WDFY4: variants seen among roughly 807,000 people sequenced by gnomAD.
The protein encoded by WDFY4 is WDFY family member 4.
Under a neutral mutation model 351.9 loss-of-function variants are expected in WDFY4, and 169 were observed. The observed-to-expected ratio is 0.48, with a 90% CI of 0.42 to 0.55. The LOEUF (loss-of-function observed/expected upper bound fraction) is 0.55. Among genes scored for constraint, WDFY4 ranks in the 20% least tolerant of loss-of-function variants. The pLI, the probability that WDFY4 is intolerant of heterozygous loss-of-function variation, is 0.00. For missense variants in WDFY4, 3,803 were observed against 3,935.6 expected (o/e 0.97, Z 0.90); for synonymous variants, 1,622 against 1,574.6 (o/e 1.03, Z -0.71).
chr10:48,867,901 G>C (rs1183106804), intron 40 of WDFY4, among the ~76,000 whole-genome samples: 2 of 152,194 alleles, frequency 1.3e-5, no homozygotes, highest in Non-Finnish European at 2.9e-5. Context: ...CCCAAAGACA[G>C]TGTGAAGTAT....
At position 48,791,330 on chromosome 10, in the gene WDFY4, A is replaced by T. The variant is rs115583449; in HGVS notation, c.4257+413A>T. On this transcript the variant is annotated intron_variant, in intron 23 of 61. Transcript: ENST00000325239. The stretch of plus-strand genomic sequence containing the variant: ...CTCTGCCTGTTTCCCCACCTGTAAG[A>T]TATGGACTGTAATAGGGTTGCAGTG... Among the ~76,000 whole-genome samples the T allele has an allele frequency of 4.2e-3, 646 of 152,332 alleles. 2 individuals carry two copies. The highest frequency in any genetic ancestry group is 0.015 in the African/African-American group (610 of 41,576).
At chr10:48,947,018 A>ACC in intron 51 of WDFY4, 49 bp downstream of exon 51, 1 of 1,362,280 alleles carries the variant, frequency 7.3e-7, no homozygotes, top group Non-Finnish European at 1.0e-6. Flanking sequence ...ACACACACAC[A>ACC]CATACGCCTG....
chr10:48,725,774 C>T, intron 5 of WDFY4, 107 bp from the exon 6 acceptor site: 1 of 1,188,554 alleles, frequency 8.4e-7, no homozygotes, highest in Non-Finnish European at 1.2e-6. Flanking sequence ...CTGTCCTTCT[C>T]ACAGAGACAT....
At chr10:48,944,113 C>T (rs536141261) in intron 49 of WDFY4, among the ~76,000 whole-genome samples, 99 of 152,276 alleles carry the variant, frequency 6.5e-4, no homozygotes, top group African/African-American at 2.3e-3. Flanking sequence ...GTGAAGTGGG[C>T]CATGGAATTT....
At chr10:48,908,944 G>A (rs2133452195) in intron 47 of WDFY4, among the ~76,000 whole-genome samples, 1 of 152,154 alleles carries the variant, frequency 6.6e-6, no homozygotes, top group South Asian at 2.1e-4. Context: ...CTTAAATCCT[G>A]GGAATCATGA....
intron 58 of WDFY4, 45 bp downstream of exon 58, chr10:48,975,086 A>T (rs746139469): frequency 1.3e-6 from 2 of 1,551,150 alleles, no homozygotes; most frequent in South Asian, 2.4e-5. Flanking sequence ...CCTTCGCAGT[A>T]GCATGGGGTA....
intron 13 of WDFY4, among the ~76,000 whole-genome samples, chr10:48,771,808 AGTT>A (rs1350650429): frequency 2.0e-5 from 3 of 152,180 alleles, no homozygotes; most frequent in Admixed American, 6.5e-5. Flanking sequence ...TTTACCCAGA[AGTT>A]GATGTTGAGA....
At position 48,830,869 on chromosome 10, in the gene WDFY4, C is replaced by T. The variant is rs1483526830; in HGVS notation, c.6510C>T (p.Ala2170=). The change falls in exon 38 of 62, where the codon GCC becomes GCT. Residue 2170 remains alanine, a synonymous_variant. Coordinates refer to ENST00000325239, the MANE Select transcript of WDFY4 (RefSeq NM_001394531.1). The part of the protein sequence containing the change: ...TPLWEETMLK[A]WQHYLASEKK... ...TCTGGGAGGAGACGATGCTCAAGGC[C>T]TGGCAGCATTACTTAGGTCTCTATC... 6.4e-7 allele frequency: 1 copy of T among 1,551,548 alleles called. No homozygotes were observed. The highest frequency in any genetic ancestry group is 8.7e-7 in the Non-Finnish European group (1 of 1,146,900).
In WDFY4 at chr10:48,957,269, C is replaced by T. The variant is rs369523333; in HGVS notation, c.8118C>T (p.Asn2706=). 20 of 1,551,192 alleles carry T rather than the reference C, an allele frequency of 1.3e-5. No individual in the cohort carries two copies. The highest frequency in any genetic ancestry group is 3.6e-5 in the South Asian group (3 of 84,056). Residue 2706 remains asparagine (N), a synonymous_variant, in exon 52 of 62, where the codon AAC becomes AAT. Coordinates refer to ENST00000325239, the MANE Select transcript of WDFY4 (RefSeq NM_001394531.1). ...TGCCTGAGTTCTTAACCAACTGCAA[C>T]GGGGTAGAGTTCGGTAAGTGGAGGC... The part of the protein sequence containing the change: ...FYLPEFLTNC[N]GVEFGCMQDG...
chr10:48,909,184 G>A (rs1472493993), intron 47 of WDFY4, among the ~76,000 whole-genome samples: 1 of 152,088 alleles, frequency 6.6e-6, no homozygotes, highest in Non-Finnish European at 1.5e-5. Context: ...GCAAAATTTG[G>A]TTGTTTCCAT....
chr10:48,819,432 C>G (rs1589684742), intron 32 of WDFY4, among the ~76,000 whole-genome samples: 1 of 152,122 alleles, frequency 6.6e-6, no homozygotes, highest in Non-Finnish European at 1.5e-5. Flanking sequence ...CCATTAAATT[C>G]ATTTTATGGC....
chr10:48,825,877 T>C (rs2067978217), intron 35 of WDFY4, among the ~76,000 whole-genome samples: 1 of 152,228 alleles, frequency 6.6e-6, no homozygotes, highest in Non-Finnish European at 1.5e-5. Flanking sequence ...GATGGATAGA[T>C]TCCAAAAATT....
At chr10:48,840,058 C>A (rs1022688521) in intron 39 of WDFY4, among the ~76,000 whole-genome samples, 3 of 152,136 alleles carry the variant, frequency 2.0e-5, no homozygotes, top group African/African-American at 7.2e-5. Flanking sequence ...GACGGGATAT[C>A]CATTATGCTC....
At chr10:48,738,836 T>C (rs943417129) in intron 11 of WDFY4, among the ~76,000 whole-genome samples, 1 of 152,180 alleles carries the variant, frequency 6.6e-6, no homozygotes, top group African/African-American at 2.4e-5. Context: ...TATAAAGGTT[T>C]CCCATCTCCG....
At chr10:48,739,051 T>G (rs1198548966) in intron 11 of WDFY4, among the ~76,000 whole-genome samples, 1 of 152,236 alleles carries the variant, frequency 6.6e-6, no homozygotes, top group Non-Finnish European at 1.5e-5. Context: ...TTCCTCTCCT[T>G]GGCCGGTGGG....
At chr10:48,904,872 T>C (rs1404130474) in intron 47 of WDFY4, among the ~76,000 whole-genome samples, 2 of 152,144 alleles carry the variant, frequency 1.3e-5, no homozygotes, top group Non-Finnish European at 2.9e-5. Context: ...GGGAGTATGG[T>C]TCCCTGAGAA....
intron 2 of WDFY4, among the ~76,000 whole-genome samples, chr10:48,713,663 C>T (rs145807584): frequency 2.0e-4 from 30 of 152,326 alleles, no homozygotes; most frequent in Admixed American, 1.4e-3. Context: ...ATGGGATTCT[C>T]ATCCAGAACA....
At chr10:48,920,433 G>A (rs1838963826) in intron 47 of WDFY4, among the ~76,000 whole-genome samples, 1 of 152,164 alleles carries the variant, frequency 6.6e-6, no homozygotes, top group South Asian at 2.1e-4. Context: ...GAATTAATGG[G>A]TGCAGCACAC....
At chr10:48,790,097 C>G in intron 22 of WDFY4, 112 bp downstream of exon 22, 1 of 1,084,260 alleles carries the variant, frequency 9.2e-7, no homozygotes, top group Non-Finnish European at 1.4e-6. Flanking sequence ...TGCCAGGGAA[C>G]CAGGGTCGGG....
Sources: allele counts gnomAD v4.1 joint callset (sites outside exome capture counted in the v4.1 genomes callset), GRCh38; gene constraint gnomAD v4.1.1; transcripts MANE v1.5; gene names NCBI Gene and HGNC (gene_info 2026-07-23, HGNC 2026-07-21).